The following LMNTD1 variants were observed in gnomAD, a reference collection of about 807,000 sequenced individuals.
The protein encoded by LMNTD1 is lamin tail domain containing 1, also known as lamin tail domain-containing protein 1.
A neutral mutation model predicts 50.9 loss-of-function variants in LMNTD1; 35 were observed. The observed-to-expected ratio is 0.69, with a 90% CI of 0.53 to 0.91. The LOEUF is 0.91. Ranked by LOEUF, LMNTD1 falls within the 40% of genes least tolerant of loss-of-function variation. The pLI, the probability that LMNTD1 is intolerant of heterozygous loss-of-function variation, is 0.00. For missense variants in LMNTD1, 470 were observed against 475.5 expected, an observed-to-expected ratio of 0.99 and a Z score of 0.11; for synonymous variants, 153 against 161.9, an observed-to-expected ratio of 0.94 and a Z score of 0.42.
At chr12:25,597,872 T>A (rs1449188562) in intron 1 of LMNTD1, among the ~76,000 whole-genome samples, 2 of 152,152 alleles carry the variant, frequency 1.3e-5, no homozygotes, top group African/African-American at 2.4e-5. Flanking sequence ...ACATGTGATA[T>A]GGTTTGGCTG....
At chr12:25,647,489 TA>T (rs1004357396) in intron 1 of LMNTD1, among the ~76,000 whole-genome samples, 1 of 152,096 alleles carries the variant, frequency 6.6e-6, no homozygotes, top group African/African-American at 2.4e-5. Context: ...GATCCTGTAT[TA>T]AAAAATAATA....
intron 1 of LMNTD1, among the ~76,000 whole-genome samples, chr12:25,590,369 G>T (rs955082724): frequency 1.3e-5 from 2 of 152,174 alleles, no homozygotes; most frequent in African/African-American, 4.8e-5. Context: ...CCTAGCCAGA[G>T]AGGAATTTCC....
At chr12:25,635,315 T>C (rs907705750) in intron 1 of LMNTD1, among the ~76,000 whole-genome samples, 29 of 146,646 alleles carry the variant, frequency 2.0e-4, no homozygotes, top group African/African-American at 6.5e-4. Flanking sequence ...AATGTACAAA[T>C]ATCAGTAGCT....
intron 9 of LMNTD1, among the ~76,000 whole-genome samples, chr12:25,489,304 AG>A (rs992809248): frequency 6.7e-6 from 1 of 149,932 alleles, no homozygotes; most frequent in Non-Finnish European, 1.5e-5. Flanking sequence ...GGACCCTCCG[AG>A]CCAGGTGTGG....
chr12:25,560,453 G>T (rs1365873458), intron 1 of LMNTD1, among the ~76,000 whole-genome samples: 1 of 152,180 alleles, frequency 6.6e-6, no homozygotes, highest in Non-Finnish European at 1.5e-5. Context: ...TAGCCTTGTA[G>T]TATAGTTTGA....
At chr12:25,576,658 T>C (rs558797387) in intron 1 of LMNTD1, among the ~76,000 whole-genome samples, 1 of 152,356 alleles carries the variant, frequency 6.6e-6, no homozygotes, top group East Asian at 1.9e-4. Context: ...TTCACTCTGA[T>C]GGTAGTTTCT....
At chr12:25,622,012 A>G (rs965832586) in intron 1 of LMNTD1, among the ~76,000 whole-genome samples, 2 of 152,236 alleles carry the variant, frequency 1.3e-5, no homozygotes, top group Admixed American at 1.3e-4. Context: ...AGGTAGTAGC[A>G]ATGGGGATAA....
At chr12:25,576,926 C>T (rs1480317490) in intron 1 of LMNTD1, among the ~76,000 whole-genome samples, 7 of 152,138 alleles carry the variant, frequency 4.6e-5, no homozygotes, top group Non-Finnish European at 2.9e-5. Context: ...CCAGTTTTCC[C>T]AGCACCATTT....
intron 8 of LMNTD1, among the ~76,000 whole-genome samples, chr12:25,512,868 G>A (rs112079835): frequency 6.6e-6 from 1 of 151,584 alleles, no homozygotes; most frequent in Non-Finnish European, 1.5e-5. Flanking sequence ...TTTTTATGGG[G>A]GGGGGCTTTA....
chr12:25,509,629 C>T (rs766372636), intron 8 of LMNTD1, among the ~76,000 whole-genome samples: 29 of 152,046 alleles, frequency 1.9e-4, no homozygotes, highest in Admixed American at 2.0e-4. Flanking sequence ...TTGGAACGTG[C>T]GAACATGACT....
chr12:25,594,529 C>T (rs1167729101), intron 1 of LMNTD1, among the ~76,000 whole-genome samples: 1 of 151,850 alleles, frequency 6.6e-6, no homozygotes, highest in African/African-American at 2.4e-5. Flanking sequence ...TTCGCCACTA[C>T]CAAGCTGAAA....
chr12:25,643,330 A>G (rs1257703000), intron 1 of LMNTD1, among the ~76,000 whole-genome samples: 2 of 152,214 alleles, frequency 1.3e-5, no homozygotes, highest in Non-Finnish European at 2.9e-5. Context: ...GGAAGCATCC[A>G]GCAAGGCCAG....
intron 1 of LMNTD1, among the ~76,000 whole-genome samples, chr12:25,571,585 G>A (rs929188311): frequency 1.3e-5 from 2 of 151,822 alleles, no homozygotes; most frequent in East Asian, 3.9e-4. Flanking sequence ...GGATGGTCTC[G>A]ATCTCCTGAC....
Position 25,518,796 on chromosome 12 carries a change from T to G in LMNTD1, c.1188A>C (p.Ser396=). 1 of 1,613,998 alleles carries G rather than the reference T, an allele frequency of 6.2e-7. No individual in the cohort carries two copies. Among genetic ancestry groups the G allele is most frequent in the East Asian group, 2.2e-5 (1 of 44,858 alleles). ...GGAACAAGCACTCTTTTAACTGACC[T>G]GAGGCTCGATTAGGTCTGGTTGACC... is the stretch of plus-strand genomic sequence containing the variant. ...RTRSTRPNRA[S]GSKKKKTSES... The change falls in exon 8 of 10, where the codon TCA becomes TCC. Residue 396 remains serine, a splice_region_variant and synonymous_variant. Coordinates refer to ENST00000458174, the MANE Select transcript of LMNTD1 (RefSeq NM_001145728.2).
chr12:25,550,614 T>C (rs143892768), intron 2 of LMNTD1, among the ~76,000 whole-genome samples: 1 of 152,338 alleles, frequency 6.6e-6, no homozygotes, highest in Non-Finnish European at 1.5e-5. Flanking sequence ...TATAAGATTA[T>C]GTTAGCCAAC....
rs1943873893 is a variant in LMNTD1, at chr12:25,553,156, T to C, written c.-118A>G. On this transcript the variant is annotated 5_prime_UTR_variant, in exon 1 of 10. Transcript: ENST00000458174. ...CAGAACCACAATTCTCATGAGGATA[T>C]GTAAGTACCAACATAGCCAATCCTG... is the stretch of plus-strand genomic sequence containing the variant. The C allele has an allele frequency of 1.9e-6, 3 of 1,609,332 alleles. No homozygotes were observed. The East Asian group carries it at 6.7e-5, about 36-fold the overall frequency.
intron 6 of LMNTD1, among the ~76,000 whole-genome samples, chr12:25,525,819 G>A (rs936366323): frequency 9.9e-5 from 15 of 151,944 alleles, no homozygotes; most frequent in Non-Finnish European, 1.6e-4. Context: ...ACGTACCATG[G>A]AATACCACCA....
chr12:25,566,881 G>C (rs1944579032), intron 1 of LMNTD1, among the ~76,000 whole-genome samples: 1 of 152,112 alleles, frequency 6.6e-6, no homozygotes, highest in African/African-American at 2.4e-5. Flanking sequence ...TTATTCTCTT[G>C]ACAATTTGAA....
At chr12:25,501,301 A>G (rs1939375778) in intron 9 of LMNTD1, among the ~76,000 whole-genome samples, 1 of 152,074 alleles carries the variant, frequency 6.6e-6, no homozygotes, top group Admixed American at 6.6e-5. Context: ...ATGAGATCGA[A>G]CTTTCATTGC....
Sources: gnomAD v4.1 joint callset for allele counts (sites outside exome capture counted in the v4.1 genomes callset) on GRCh38, gnomAD v4.1.1 for gene constraint, MANE v1.5 for transcripts, NCBI Gene and HGNC (gene_info 2026-07-23, HGNC 2026-07-21) for gene names.